NTRK3: variants seen among roughly 807,000 people sequenced by gnomAD.
NTRK3 encodes the protein neurotrophic receptor tyrosine kinase 3.
Under a neutral mutation model 91.7 loss-of-function variants are expected in NTRK3, and 24 were observed. That is an observed-to-expected ratio of 0.26 (90% confidence interval 0.19 to 0.37). The LOEUF (loss-of-function observed/expected upper bound fraction) is 0.37. Among genes scored for constraint, NTRK3 ranks in the 10% least tolerant of loss-of-function variants. The pLI is 1.00. For missense variants in NTRK3, 880 were observed against 1,068.9 expected (o/e 0.82, Z 2.46); for synonymous variants, 483 against 404.0 (o/e 1.20, Z -2.34).
chr15:88,157,454 G>T (rs542089481), intron 5 of NTRK3, among the ~76,000 whole-genome samples: 1 of 152,182 alleles, frequency 6.6e-6, no homozygotes, highest in South Asian at 2.1e-4. Flanking sequence ...CCTCGGCAGG[G>T]CCCATCCTGC....
At chr15:87,922,413 G>A (rs1010058206) in intron 17 of NTRK3, among the ~76,000 whole-genome samples, 9 of 152,162 alleles carry the variant, frequency 5.9e-5, no homozygotes, top group African/African-American at 1.9e-4. Flanking sequence ...AAACTAATGA[G>A]GGGGCTGCCC....
chr15:88,221,665 T>C (rs1273607463), intron 3 of NTRK3, among the ~76,000 whole-genome samples: 2 of 151,910 alleles, frequency 1.3e-5, no homozygotes, highest in Non-Finnish European at 2.9e-5. Flanking sequence ...ATAATAAAAA[T>C]GAAATAAAAT....
At chr15:88,014,261 G>C (rs1212897427) in intron 14 of NTRK3, among the ~76,000 whole-genome samples, 1 of 152,076 alleles carries the variant, frequency 6.6e-6, no homozygotes, top group Non-Finnish European at 1.5e-5. Context: ...ATCAACTTTG[G>C]GGAAAATGAA....
At chr15:88,205,414 A>G (rs1034613175) in intron 3 of NTRK3, among the ~76,000 whole-genome samples, 3 of 152,146 alleles carry the variant, frequency 2.0e-5, no homozygotes, top group African/African-American at 7.2e-5. Context: ...CATCTCCCCA[A>G]GGTCCCACAG....
At chr15:87,966,472 T>A (rs867904690) in intron 14 of NTRK3, among the ~76,000 whole-genome samples, 2 of 152,112 alleles carry the variant, frequency 1.3e-5, no homozygotes, top group African/African-American at 4.8e-5. Context: ...CCATCTTCCA[T>A]CCCACAGTGA....
intron 14 of NTRK3, among the ~76,000 whole-genome samples, chr15:87,964,013 A>G (rs1373711857): frequency 6.6e-6 from 1 of 152,218 alleles, no homozygotes; most frequent in Non-Finnish European, 1.5e-5. Flanking sequence ...ATGGATCTCT[A>G]AAACAACAAT....
At chr15:88,147,195 C>T in intron 6 of NTRK3, 140 bp downstream of exon 6, 3 of 752,782 alleles carry the variant, frequency 4.0e-6, no homozygotes, top group Non-Finnish European at 7.1e-6. Context: ...GAACATGGTA[C>T]ACTCTGTGTC....
intron 14 of NTRK3, among the ~76,000 whole-genome samples, chr15:88,029,389 T>C (rs985243687): frequency 7.2e-5 from 11 of 152,158 alleles, no homozygotes; most frequent in Middle Eastern, 3.2e-3. Context: ...ATGGACCAGA[T>C]TGAAAGCAGA....
chr15:88,142,376 C>A (rs375685396), intron 6 of NTRK3, among the ~76,000 whole-genome samples: 8 of 152,274 alleles, frequency 5.3e-5, no homozygotes, highest in African/African-American at 1.7e-4. Flanking sequence ...TGGCCTGGGG[C>A]CTAATCGCAG....
At chr15:88,074,320 T>A (rs1442456386) in intron 13 of NTRK3, among the ~76,000 whole-genome samples, 1 of 152,274 alleles carries the variant, frequency 6.6e-6, no homozygotes, top group Non-Finnish European at 1.5e-5. Context: ...TGCATGGCAC[T>A]GCCCAAAATG....
At chr15:88,055,065 G>C (rs2045562653) in intron 13 of NTRK3, among the ~76,000 whole-genome samples, 1 of 152,160 alleles carries the variant, frequency 6.6e-6, no homozygotes, top group Non-Finnish European at 1.5e-5. Flanking sequence ...CTGGCAGAGG[G>C]AAGGGGGAGG....
At chr15:87,934,528 T>A (rs1230818440) in intron 15 of NTRK3, among the ~76,000 whole-genome samples, 3 of 152,120 alleles carry the variant, frequency 2.0e-5, no homozygotes, top group Non-Finnish European at 4.4e-5. Flanking sequence ...TTATCTGAAA[T>A]CTGTAGGGCT....
chr15:88,168,213 A>G (rs2045169000), intron 5 of NTRK3, among the ~76,000 whole-genome samples: 1 of 152,224 alleles, frequency 6.6e-6, no homozygotes, highest in South Asian at 2.1e-4. Context: ...AAATCACTTA[A>G]TAAATGCCAC....
chr15:88,017,507 G>C (rs1237733919), intron 14 of NTRK3, among the ~76,000 whole-genome samples: 1 of 152,214 alleles, frequency 6.6e-6, no homozygotes, highest in Non-Finnish European at 1.5e-5. Flanking sequence ...AAATAAAAGG[G>C]AGAATCCAGA....
At chr15:88,055,649 T>A (rs2045612481) in intron 13 of NTRK3, among the ~76,000 whole-genome samples, 1 of 152,108 alleles carries the variant, frequency 6.6e-6, no homozygotes, top group Non-Finnish European at 1.5e-5. Flanking sequence ...CAATCGGTGA[T>A]GAAACTAAGA....
intron 13 of NTRK3, among the ~76,000 whole-genome samples, chr15:88,101,899 A>C (rs987632498): frequency 6.6e-6 from 1 of 152,156 alleles, no homozygotes; most frequent in African/African-American, 2.4e-5. Context: ...ATAGCATTAG[A>C]AGATTTACCT....
At chr15:88,022,726 G>A (rs1200838768) in intron 14 of NTRK3, among the ~76,000 whole-genome samples, 1 of 152,046 alleles carries the variant, frequency 6.6e-6, no homozygotes, top group Non-Finnish European at 1.5e-5. Flanking sequence ...AGCTGGCTGG[G>A]GGTCTCATCA....
chr15:87,977,464 G>A (rs553159738), intron 14 of NTRK3: 1 of 218,950 alleles, frequency 4.6e-6, no homozygotes, highest in Admixed American at 5.8e-5. Flanking sequence ...ACAAGGTGAG[G>A]AAAATGGCAG....
chr15:88,249,613 T>A (rs921631042), intron 3 of NTRK3, among the ~76,000 whole-genome samples: 6 of 152,098 alleles, frequency 3.9e-5, no homozygotes, highest in African/African-American at 1.2e-4. Context: ...TGAATTCTGG[T>A]AAGCCCTGCA....
Sources: allele counts gnomAD v4.1 joint callset (sites outside exome capture counted in the v4.1 genomes callset), GRCh38; gene constraint gnomAD v4.1.1; transcripts MANE v1.5; gene names NCBI Gene and HGNC (gene_info 2026-07-23, HGNC 2026-07-21).